NRK: variants seen among roughly 807,000 people sequenced by gnomAD.
NRK encodes nik-related protein kinase.
Under a neutral mutation model 125.2 loss-of-function variants are expected in NRK, and 67 were observed. The ratio of observed to expected loss-of-function variants is 0.54; its 90% confidence interval spans 0.44 to 0.66. The LOEUF is 0.66. NRK is among the 30% of genes least tolerant of loss of function. The pLI is 0.00. For missense variants in NRK, 1,224 were observed against 1,192.9 expected (o/e 1.03, Z -0.38); for synonymous variants, 458 against 429.0 (o/e 1.07, Z -0.84).
At chrX:105,897,606 A>C (rs1225842160) in intron 7 of NRK, among the ~76,000 whole-genome samples, 2 of 111,154 alleles carry the variant, frequency 1.8e-5, no homozygotes, top group East Asian at 5.7e-4. Flanking sequence ...CTTCCTAGGT[A>C]ATTCTTGGCC....
chrX:105,948,620 T>A (rs2040850037), intron 26 of NRK: 1 of 488,912 alleles, frequency 2.0e-6, no homozygotes, highest in Non-Finnish European at 3.6e-6. Flanking sequence ...CTTTATCTTT[T>A]TTTTCTGATT....
intron 20 of NRK, among the ~76,000 whole-genome samples, chrX:105,934,714 G>A (rs1192077505): frequency 8.9e-6 from 1 of 112,437 alleles, no homozygotes; most frequent in African/African-American, 3.2e-5. Flanking sequence ...GTTCAACAAT[G>A]TATTTTAGCC....
chrX:105,857,466 A>G (rs780168178), intron 2 of NRK, among the ~76,000 whole-genome samples: 1 of 112,288 alleles, frequency 8.9e-6, no homozygotes, highest in African/African-American at 3.2e-5. Flanking sequence ...AGAATCTAAG[A>G]TGCGAAACTG....
intron 13 of NRK, among the ~76,000 whole-genome samples, chrX:105,911,349 G>A (rs1279659794): frequency 1.3e-4 from 15 of 111,506 alleles, no homozygotes; most frequent in Admixed American, 9.6e-5. Context: ...ATAAGGTTAG[G>A]GGAGCAGTTG....
Position 105,909,151 on chromosome X carries a change from C to A in NRK, c.1510C>A (p.Gln504Lys). 1 of 1,211,336 alleles carries A rather than the reference C, an allele frequency of 8.3e-7. No individual in the cohort carries two copies. The highest frequency in any genetic ancestry group is 1.1e-6 in the Non-Finnish European group (1 of 895,259). Residue 504 changes from glutamine to lysine, a missense_variant, in exon 13 of 29, where the codon CAG (glutamine) becomes AAG (lysine). By Grantham distance (53) the Gln-to-Lys change is moderately conservative (BLOSUM62 1). Coordinates refer to ENST00000243300, the MANE Select transcript of NRK (RefSeq NM_198465.4). ...QSQVSKKQQA[Q>K]TQTSEPQDLD... ...CCAGGTATCCAAAAAGCAGCAGGCC[C>A]AGACCCAGACATCAGAACCACAAGA...
At chrX:105,918,841 A>C (rs1438608308) in intron 16 of NRK, among the ~76,000 whole-genome samples, 1 of 109,954 alleles carries the variant, frequency 9.1e-6, no homozygotes, top group Non-Finnish European at 1.9e-5. Flanking sequence ...TTTATTGTTT[A>C]TGCTACATAG....
chrX:105,839,198 A>G (rs766326806), intron 2 of NRK, among the ~76,000 whole-genome samples: 1 of 111,412 alleles, frequency 9.0e-6, no homozygotes, highest in East Asian at 2.8e-4. Flanking sequence ...TTAGGCTGAA[A>G]TTATACTGTT....
chrX:105,832,619 C>CT (rs775669134), intron 2 of NRK, among the ~76,000 whole-genome samples: 1 of 110,818 alleles, frequency 9.0e-6, no homozygotes, highest in East Asian at 2.9e-4. Context: ...AAAAGGGTGC[C>CT]TTTTTTCTTG....
Position 105,946,357 on chromosome X carries a change from G to A in NRK, c.4246G>A (p.Ala1416Thr). 1 of 1,200,185 alleles carries A rather than the reference G, an allele frequency of 8.3e-7. No homozygotes were observed. The highest frequency in any genetic ancestry group is 1.1e-6 in the Non-Finnish European group (1 of 885,429). The change falls in exon 26 of 29, where the codon GCT (alanine) becomes ACT (threonine). Residue 1416 changes from alanine to threonine, a missense_variant. Ala to Thr is a moderately conservative substitution (Grantham distance 58). Coordinates refer to ENST00000243300, the MANE Select transcript of NRK (RefSeq NM_198465.4). ...TCATAAGCCAGTGACAGTTGACCTGGCTATTGGTTCTGAAAAAAGACTAAA... is the reference window on the plus strand; with the variant it reads ...TCATAAGCCAGTGACAGTTGACCTGACTATTGGTTCTGAAAAAAGACTAAA... Reference protein sequence around the residue: ...LDHKPVTVDLAIGSEKRLKIF... With the variant: ...LDHKPVTVDLTIGSEKRLKIF...
intron 10 of NRK, 87 bp downstream of exon 10, chrX:105,905,430 G>A (rs2040208036): frequency 3.1e-6 from 2 of 654,556 alleles, no homozygotes; most frequent in East Asian, 7.0e-5. Flanking sequence ...GGTCAGTCCT[G>A]CTGCACCATC....
chrX:105,883,093 C>T (rs780308622), intron 4 of NRK, among the ~76,000 whole-genome samples: 1 of 112,170 alleles, frequency 8.9e-6, no homozygotes, highest in Non-Finnish European at 1.9e-5. Flanking sequence ...AATGCTGTAG[C>T]ATCATATTAC....
chrX:105,845,193 CTCAA>C (rs1406175871), intron 2 of NRK, among the ~76,000 whole-genome samples: 3 of 111,372 alleles, frequency 2.7e-5, no homozygotes, highest in African/African-American at 9.9e-5. Flanking sequence ...TTTACTTAGC[CTCAA>C]TCAAATTTTT....
rs754533839 is a variant in NRK at position 105,851,220 on chromosome X, C to T, written c.123+20101C>T. ...GCACACCAAAATCTTCTGGAGGAAT[C>T]ATTTGAAAATGCAAATGCTCATGAC... On this transcript the variant is annotated intron_variant, in intron 2 of 28. Transcript: ENST00000243300. Among the ~76,000 whole-genome samples the T allele has an allele frequency of 1.4e-4, 16 of 112,077 alleles. No homozygotes were observed. In the South Asian group the frequency reaches 5.9e-3, roughly 42 times the overall value.
intron 28 of NRK, among the ~76,000 whole-genome samples, chrX:105,955,020 TGTTA>T (rs1438339677): frequency 9.0e-6 from 1 of 111,185 alleles, no homozygotes; most frequent in African/African-American, 3.3e-5. Flanking sequence ...ATTATCTGTC[TGTTA>T]AATTTTTTAA....
chrX:105,855,761 G>C, intron 2 of NRK, among the ~76,000 whole-genome samples: 1 of 111,793 alleles, frequency 8.9e-6, no homozygotes, highest in East Asian at 2.8e-4. Flanking sequence ...AAGTATGTAA[G>C]ATATCAACTC....
chrX:105,863,401 A>C (rs1460508166), intron 2 of NRK, among the ~76,000 whole-genome samples: 1 of 110,307 alleles, frequency 9.1e-6, no homozygotes, highest in Non-Finnish European at 1.9e-5. Flanking sequence ...ACCCATTCCC[A>C]TGTGTTATTT....
intron 9 of NRK, among the ~76,000 whole-genome samples, chrX:105,903,151 G>A (rs2040180796): frequency 9.0e-6 from 1 of 111,297 alleles, no homozygotes; most frequent in Admixed American, 9.6e-5. Flanking sequence ...AGGAGAAGCG[G>A]GATAGGATCA....
chrX:105,921,078 A>C lies in NRK; in HGVS notation c.2513-886A>C, dbSNP rs770375804. On this transcript the variant is annotated intron_variant, in intron 16 of 28. Coordinates refer to ENST00000243300, the MANE Select transcript of NRK (RefSeq NM_198465.4). ...TCACAATAGCAAAGACTTGGAACCA[A>C]CCCAAATGTCCAACAATGATAGACT... Among the ~76,000 whole-genome samples, 6 of 97,107 alleles carry C rather than the reference A, an allele frequency of 6.2e-5. No homozygotes were observed. The South Asian group carries it at 3.2e-3, about 52-fold the overall frequency. The allele number at this position is 97,107 out of a possible 115,157, so 84.3% of individuals were successfully genotyped here. A position where few individuals can be genotyped will look rare whatever the true frequency, so the allele number is the denominator to read the frequency against.
At chrX:105,898,804 A>G in intron 8 of NRK, 90 bp downstream of exon 8, 1 of 752,405 alleles carries the variant, frequency 1.3e-6, no homozygotes, top group East Asian at 3.8e-5. Context: ...AAAAATAAAA[A>G]GCAGGCAGCT....
Sources: allele counts gnomAD v4.1 joint callset (sites outside exome capture counted in the v4.1 genomes callset), GRCh38; gene constraint gnomAD v4.1.1; transcripts MANE v1.5; gene names NCBI Gene and HGNC (gene_info 2026-07-23, HGNC 2026-07-21).